FGF13: variants seen among roughly 807,000 people sequenced by gnomAD.
FGF13 encodes the protein fibroblast growth factor 13, also known as fibroblast growth factor homologous factor 2.
A neutral mutation model predicts 19.5 loss-of-function variants in FGF13; 2 were observed. The ratio of observed to expected loss-of-function variants is 0.10; its 90% CI spans 0.04 to 0.32. FGF13 has a LOEUF of 0.32. Among genes scored for constraint, FGF13 ranks in the 10% least tolerant of loss-of-function variants. FGF13 has a pLI of 1.00. For synonymous variants in FGF13, 72 were observed against 76.9 expected (o/e 0.94, Z 0.33); for missense variants, 113 against 192.7 (o/e 0.59, Z 2.45).
intron 3 of FGF13, among the ~76,000 whole-genome samples, chrX:138,759,051 G>A (rs2090449350): frequency 1.8e-5 from 2 of 112,116 alleles, no homozygotes; most frequent in Non-Finnish European, 3.8e-5. Context: ...TGGAAGCTGA[G>A]AGCGTAAAAA....
intron 1 of FGF13, among the ~76,000 whole-genome samples, chrX:138,975,941 G>A (rs1235513531): frequency 9.0e-6 from 1 of 111,680 alleles, no homozygotes; most frequent in African/African-American, 3.3e-5. Context: ...TGGAGCTTGA[G>A]GGAGTTGCCT....
At chrX:138,799,064 T>A (rs1334547745) in intron 3 of FGF13, among the ~76,000 whole-genome samples, 1 of 111,926 alleles carries the variant, frequency 8.9e-6, no homozygotes, top group Non-Finnish European at 1.9e-5. Flanking sequence ...TCTCCTTCAG[T>A]TCTGCTCTGA....
chrX:138,903,817 C>T (rs1388479223), intron 1 of FGF13, among the ~76,000 whole-genome samples: 5 of 111,748 alleles, frequency 4.5e-5, no homozygotes, highest in African/African-American at 1.6e-4. Flanking sequence ...TATTCTTTCT[C>T]CCCCAAAATA....
intron 3 of FGF13, among the ~76,000 whole-genome samples, chrX:138,768,755 A>ATATATATGATAT (rs1569388532): frequency 9.7e-6 from 1 of 102,695 alleles, no homozygotes; most frequent in African/African-American, 3.6e-5. Context: ...ATATATATAT[A>ATATATATGATAT]ATTTCACAAG....
chrX:139,032,845 T>C (rs778756970), intron 1 of FGF13, among the ~76,000 whole-genome samples: 1 of 109,444 alleles, frequency 9.1e-6, no homozygotes, highest in South Asian at 4.0e-4. Context: ...CTGATGCAAG[T>C]TAATAACCTT....
chrX:138,889,932 C>CTTT (rs1218819253), intron 1 of FGF13, among the ~76,000 whole-genome samples: 2,444 of 100,216 alleles, frequency 0.024, 97 homozygotes, highest in African/African-American at 0.085. Context: ...CCCTTTTGAA[C>CTTT]TTTTTTTTTT....
rs897733276 is a variant in FGF13 at position 138,620,572 on chromosome X, CAAA to C, written c.*12275_*12277del. The C allele has an allele frequency of 9.1e-6, 1 of 110,452 alleles. No individual in the cohort carries two copies. Among genetic ancestry groups the C allele is most frequent in the African/African-American group, 3.3e-5 (1 of 30,433 alleles). 9.1% of individuals were successfully genotyped at this position (110,452 alleles called of 1,213,427 possible). A position where few individuals can be genotyped will look rare whatever the true frequency, so the allele number is the denominator to read the frequency against. Reference sequence around the variant, plus strand: ...AGACAGCAAGAGAGGAAGAAAGAAACAAAAAAACTTACAAAACAGCTGAAAAAC... The same window carrying C: ...AGACAGCAAGAGAGGAAGAAAGAAACAAAACTTACAAAACAGCTGAAAAAC... On this transcript the variant is annotated 3_prime_UTR_variant, in exon 5 of 5. Coordinates refer to ENST00000315930, the MANE Select transcript of FGF13 (RefSeq NM_004114.5).
chrX:138,656,756 C>A (rs897440298), intron 3 of FGF13, among the ~76,000 whole-genome samples: 4 of 111,971 alleles, frequency 3.6e-5, no homozygotes, highest in African/African-American at 1.3e-4. Flanking sequence ...GGGGCACAAC[C>A]TCCTTTTCAA....
chrX:138,915,721 T>C (rs886835275), intron 1 of FGF13, among the ~76,000 whole-genome samples: 7 of 111,942 alleles, frequency 6.3e-5, no homozygotes, highest in African/African-American at 2.3e-4. Context: ...ATACCCCCTC[T>C]TCAGAGATGT....
intron 1 of FGF13, among the ~76,000 whole-genome samples, chrX:139,031,189 C>T (rs1404728953): frequency 9.2e-6 from 1 of 108,713 alleles, no homozygotes; most frequent in African/African-American, 3.4e-5. Flanking sequence ...ATTTGTAAAA[C>T]ATTTTTAAGC....
chrX:138,907,869 C>G (rs1215088525), intron 1 of FGF13, among the ~76,000 whole-genome samples: 1 of 111,243 alleles, frequency 9.0e-6, no homozygotes, highest in Non-Finnish European at 1.9e-5. Context: ...GAAAGGCAGC[C>G]TGATATGCTA....
At chrX:138,875,883 A>G (rs925874326) in intron 1 of FGF13, among the ~76,000 whole-genome samples, 2 of 111,407 alleles carry the variant, frequency 1.8e-5, no homozygotes, top group Admixed American at 9.6e-5. Context: ...GATTAGATAT[A>G]TAAATCAGCT....
intron 1 of FGF13, among the ~76,000 whole-genome samples, chrX:139,196,094 G>C (rs1302803767): frequency 2.7e-5 from 3 of 111,716 alleles, no homozygotes; most frequent in East Asian, 5.6e-4. Context: ...AACGGGGTAG[G>C]GTTGAGAGAC....
intron 1 of FGF13, among the ~76,000 whole-genome samples, chrX:139,144,955 T>C (rs1569457637): frequency 8.9e-6 from 1 of 112,111 alleles, no homozygotes; most frequent in African/African-American, 3.2e-5. Flanking sequence ...TATAATTACA[T>C]GGTAACATAA....
In FGF13 at chrX:138,858,121, G is replaced by A. The variant is rs193087460; in HGVS notation, c.-38-442C>T. On this transcript the variant is annotated intron_variant, in intron 2 of 2. Transcript: ENST00000421460. ...CTCCTGGTGAGGGCCTTACTTCCAA[G>A]CAGTATACACGGAGACAGACAGAAG... Among the ~76,000 whole-genome samples the A allele has an allele frequency of 3.6e-4, 40 of 111,821 alleles. No individual in the cohort carries two copies. In the East Asian group the frequency reaches 0.011, roughly 31 times the overall value.
At chrX:139,024,592 AC>A (rs1321436940) in intron 1 of FGF13, among the ~76,000 whole-genome samples, 1 of 111,619 alleles carries the variant, frequency 9.0e-6, no homozygotes, top group Non-Finnish European at 1.9e-5. Flanking sequence ...TTGTCCATAA[AC>A]ATTCTCGTTG....
At chrX:139,007,195 G>T (rs1356754330) in intron 1 of FGF13, among the ~76,000 whole-genome samples, 3 of 111,840 alleles carry the variant, frequency 2.7e-5, no homozygotes, top group Non-Finnish European at 5.6e-5. Flanking sequence ...AGCAGTAGTA[G>T]CTATGCTTAT....
At chrX:138,964,462 T>C (rs1254917709) in intron 1 of FGF13, among the ~76,000 whole-genome samples, 1 of 111,708 alleles carries the variant, frequency 9.0e-6, no homozygotes, top group African/African-American at 3.3e-5. Flanking sequence ...TCAGGTGTCT[T>C]AGAGATAAGG....
chrX:138,906,568 G>A (rs1178383869), intron 1 of FGF13, among the ~76,000 whole-genome samples: 3 of 111,606 alleles, frequency 2.7e-5, no homozygotes, highest in Admixed American at 1.9e-4. Flanking sequence ...GTCAGGTAGC[G>A]ATACGTACAG....
Sources: gnomAD v4.1 joint callset for allele counts (sites outside exome capture counted in the v4.1 genomes callset) on GRCh38, gnomAD v4.1.1 for gene constraint, MANE v1.5 for transcripts, NCBI Gene and HGNC (gene_info 2026-07-23, HGNC 2026-07-21) for gene names.